GDPD4: variants seen among roughly 807,000 people sequenced by gnomAD.
GDPD4 encodes the protein glycerophosphodiester phosphodiesterase domain containing 4, also known as glycerophosphodiester phosphodiesterase 6.
Under a neutral mutation model 67.8 loss-of-function variants are expected in GDPD4, and 60 were observed. That is an observed-to-expected ratio of 0.88 (90% confidence interval 0.72 to 1.10). The LOEUF is 1.10. Ranked by LOEUF, GDPD4 falls within the 50% of genes least tolerant of loss-of-function variation. The probability of loss-of-function intolerance (pLI) is 0.00; values close to 1 mark genes in which losing one functional copy is unlikely to be tolerated. For synonymous variants in GDPD4, 212 were observed against 210.9 expected, an observed-to-expected ratio of 1.00 and a Z score of -0.04; for missense variants, 623 against 613.9, an observed-to-expected ratio of 1.01 and a Z score of -0.16.
chr11:77,224,166 T>C (rs10793243), intron 16 of GDPD4: 136,371 of 152,202 alleles, frequency 0.9, 61,262 homozygotes, highest in Middle Eastern at 0.94. Flanking sequence ...GGTGATGTCC[T>C]GCCCTGCTTC....
chr11:77,297,051 CAAAAAAAACAAAA>C (rs1422982406), intron 1 of GDPD4, among the ~76,000 whole-genome samples: 2 of 70,202 alleles, frequency 2.8e-5, no homozygotes, highest in African/African-American at 9.3e-5. Flanking sequence ...GAGACTGCCT[CAAAAAAAACAAAA>C]AAAAAAAAAC....
At chr11:77,235,173 A>G (rs1196779453) in intron 13 of GDPD4, among the ~76,000 whole-genome samples, 2 of 151,938 alleles carry the variant, frequency 1.3e-5, no homozygotes, top group African/African-American at 2.4e-5. Flanking sequence ...TTCTTTTGAG[A>G]AGTGTCTGTT....
intron 4 of GDPD4, among the ~76,000 whole-genome samples, chr11:77,277,665 G>T (rs1017594786): frequency 6.6e-6 from 1 of 151,788 alleles, no homozygotes; most frequent in East Asian, 1.9e-4. Context: ...CTTGCTAGCG[G>T]TCTATCAATT....
intron 13 of GDPD4, among the ~76,000 whole-genome samples, chr11:77,237,084 G>A (rs1449652782): frequency 6.6e-6 from 1 of 152,168 alleles, no homozygotes; most frequent in African/African-American, 2.4e-5. Flanking sequence ...CCTGGAGCAT[G>A]ACACATAAAC....
At chr11:77,226,485 GCAGCTGCATTCAAGCTAAGAAGA>G (rs1017277311) in intron 16 of GDPD4, among the ~76,000 whole-genome samples, 1 of 152,158 alleles carries the variant, frequency 6.6e-6, no homozygotes, top group African/African-American at 2.4e-5. Flanking sequence ...CAGTGAGAAG[GCAGCTGCATTCAAGCTAAGAAGA>G]CAGTGCTCAC....
intron 1 of GDPD4, among the ~76,000 whole-genome samples, chr11:77,300,061 T>A (rs958573778): frequency 6.6e-6 from 1 of 152,052 alleles, no homozygotes; most frequent in African/African-American, 2.4e-5. Flanking sequence ...TGTTCAATTC[T>A]TTGCCTTCTA....
intron 1 of GDPD4, 59 bp from the exon 2 acceptor site, chr11:77,287,479 C>G (rs1372835371): frequency 4.6e-5 from 7 of 152,080 alleles, no homozygotes; most frequent in Non-Finnish European, 1.0e-4. Context: ...GTACCTTATC[C>G]CACCATTCTA....
chr11:77,255,431 G>A (rs1958985017), intron 11 of GDPD4, among the ~76,000 whole-genome samples: 1 of 152,060 alleles, frequency 6.6e-6, no homozygotes, highest in Non-Finnish European at 1.5e-5. Context: ...GGTCATGGTG[G>A]CGGGCGCCTG....
chr11:77,236,729 A>AACAC (rs34508625), intron 13 of GDPD4, among the ~76,000 whole-genome samples: 2 of 145,388 alleles, frequency 1.4e-5, no homozygotes, highest in African/African-American at 2.5e-5. Flanking sequence ...ACAAGAAGGA[A>AACAC]ACACACACAC....
chr11:77,245,654 G>C lies in GDPD4; in HGVS notation c.865-152C>G, dbSNP rs962688108. 9 of 614,574 alleles carry C rather than the reference G, an allele frequency of 1.5e-5. 1 individual carries two copies. Among genetic ancestry groups the C allele is most frequent in the South Asian group, 1.2e-4 (6 of 50,308 alleles). The allele number at this position is 614,574 out of a possible 1,614,324, so 38.1% of individuals were successfully genotyped here. On this transcript the variant is annotated intron_variant, in intron 11 of 16. Coordinates refer to ENST00000315938, the MANE Select transcript of GDPD4 (RefSeq NM_182833.3). ...TCCTAGAAAACAGGTGACAAGGAGA[G>C]AAATAAAATGTAATCATCATCAATA...
intron 15 of GDPD4, among the ~76,000 whole-genome samples, chr11:77,228,681 C>T (rs747163188): frequency 2.0e-5 from 3 of 151,896 alleles, no homozygotes; most frequent in Admixed American, 1.3e-4. Flanking sequence ...GACTGAGACC[C>T]CATCTCAAAA....
chr11:77,273,001 A>G lies in GDPD4; in HGVS notation c.208-1608T>C, dbSNP rs371351198. Among the ~76,000 whole-genome samples, 10 of 152,142 alleles carry G rather than the reference A, an allele frequency of 6.6e-5. No homozygotes were observed. The East Asian group carries it at 1.9e-3, about 29-fold the overall frequency. On this transcript the variant is annotated intron_variant, in intron 5 of 16. Coordinates refer to ENST00000315938, the MANE Select transcript of GDPD4 (RefSeq NM_182833.3). ...ATTAATTATATAACTCTAGCCAGTCAATATCTTTTAACACATGAACCTATA... is the reference window on the plus strand; with the variant it reads ...ATTAATTATATAACTCTAGCCAGTCGATATCTTTTAACACATGAACCTATA...
intron 11 of GDPD4, among the ~76,000 whole-genome samples, chr11:77,256,778 G>A (rs375384526): frequency 1.3e-5 from 2 of 152,252 alleles, no homozygotes; most frequent in South Asian, 2.1e-4. Flanking sequence ...CTCGCCATAT[G>A]ACATGCCTTG....
intron 1 of GDPD4, among the ~76,000 whole-genome samples, chr11:77,288,195 C>T (rs1477221773): frequency 6.6e-6 from 1 of 152,092 alleles, no homozygotes; most frequent in Non-Finnish European, 1.5e-5. Flanking sequence ...AGCACCAGTG[C>T]ATGTTACCTG....
intron 1 of GDPD4, among the ~76,000 whole-genome samples, chr11:77,289,684 T>C (rs149050107): frequency 8.0e-5 from 12 of 149,996 alleles, no homozygotes; most frequent in Non-Finnish European, 1.3e-4. Flanking sequence ...TGAGCTGAGA[T>C]TGCACCACTG....
At chr11:77,227,464 C>G (rs914778988) in intron 16 of GDPD4, among the ~76,000 whole-genome samples, 6 of 152,190 alleles carry the variant, frequency 3.9e-5, no homozygotes, top group Non-Finnish European at 7.3e-5. Flanking sequence ...ATACTTTTGC[C>G]TTCTTCCTCA....
In GDPD4 at chr11:77,229,138, A is replaced by G. The variant is rs1200033340; in HGVS notation, c.1472+12T>C. 2 of 1,321,410 alleles carry G rather than the reference A, an allele frequency of 1.5e-6. No homozygotes were observed. Among genetic ancestry groups the G allele is most frequent in the Admixed American group, 1.9e-5 (1 of 52,050 alleles). 81.9% of individuals were successfully genotyped at this position (1,321,410 alleles called of 1,614,324 possible). ...TTGGAAAAAATTCATTTAAAATTATATATATACTTACCAGTGAAAACAAAA... is the reference window on the plus strand; with the variant it reads ...TTGGAAAAAATTCATTTAAAATTATGTATATACTTACCAGTGAAAACAAAA... On this transcript the variant is annotated intron_variant, in intron 15 of 16. Coordinates refer to ENST00000315938, the MANE Select transcript of GDPD4 (RefSeq NM_182833.3).
intron 10 of GDPD4, among the ~76,000 whole-genome samples, 168 bp downstream of exon 10, chr11:77,268,289 C>T (rs956994315): frequency 5.3e-5 from 8 of 151,862 alleles, no homozygotes; most frequent in East Asian, 3.9e-4. Context: ...TGCAGAGGTG[C>T]GGTTTGTGAG....
rs115704819 is a variant in GDPD4 at position 77,264,752 on chromosome 11, G to A, written c.707+3705C>T. Among the ~76,000 whole-genome samples, 414 of 152,120 alleles carry A rather than the reference G, an allele frequency of 2.7e-3. 3 individuals carry two copies. The highest frequency in any genetic ancestry group is 9.7e-3 in the African/African-American group (404 of 41,510). ...GAGAACTGAGAGAAGGCAAAGAAAGGCAATGTTGGAGTTCAAGACACTCAC... is the reference window on the plus strand; with the variant it reads ...GAGAACTGAGAGAAGGCAAAGAAAGACAATGTTGGAGTTCAAGACACTCAC... On this transcript the variant is annotated intron_variant, in intron 10 of 16. Coordinates refer to ENST00000315938, the MANE Select transcript of GDPD4 (RefSeq NM_182833.3).
Sources: allele counts gnomAD v4.1 joint callset (sites outside exome capture counted in the v4.1 genomes callset), GRCh38; gene constraint gnomAD v4.1.1; transcripts MANE v1.5; gene names NCBI Gene and HGNC (gene_info 2026-07-23, HGNC 2026-07-21).